NELL1: variants seen among roughly 807,000 people sequenced by gnomAD.
The protein encoded by NELL1 is protein kinase C-binding protein NELL1.
Under a neutral mutation model 107.4 loss-of-function variants are expected in NELL1, and 76 were observed. The ratio of observed to expected loss-of-function variants is 0.71; its 90% CI spans 0.59 to 0.86. The LOEUF (loss-of-function observed/expected upper bound fraction) is 0.86, where lower values mean the gene tolerates loss of function less well. Among genes scored for constraint, NELL1 ranks in the 40% least tolerant of loss-of-function variants. NELL1 has a pLI of 0.00. For synonymous variants in NELL1, 353 were observed against 341.2 expected (o/e 1.03, Z -0.38); for missense variants, 1,024 against 1,005.5 (o/e 1.02, Z -0.25).
intron 9 of NELL1, among the ~76,000 whole-genome samples, chr11:20,929,969 CAAAAAAAAAAAAGAAA>C (rs372208711): frequency 0.04 from 3,735 of 93,880 alleles, 169 homozygotes; most frequent in African/African-American, 0.15. Context: ...GAGTCTGTCT[CAAAAAAAAAAAAGAAA>C]AAAAAAAAAA....
intron 12 of NELL1, among the ~76,000 whole-genome samples, chr11:21,075,530 C>G (rs1448772160): frequency 6.6e-6 from 1 of 152,090 alleles, no homozygotes; most frequent in Admixed American, 6.6e-5. Context: ...CAGTGATACA[C>G]TACAATGGTA....
intron 15 of NELL1, among the ~76,000 whole-genome samples, chr11:21,496,626 A>G (rs1271547216): frequency 6.6e-6 from 1 of 151,596 alleles, no homozygotes; most frequent in Non-Finnish European, 1.5e-5. Context: ...AGCCAGGATG[A>G]TCTCGTTCTC....
At chr11:21,116,210 T>A (rs1421109772) in intron 13 of NELL1, among the ~76,000 whole-genome samples, 1 of 151,958 alleles carries the variant, frequency 6.6e-6, no homozygotes, top group African/African-American at 2.4e-5. Flanking sequence ...TTAAAGCACA[T>A]GTTTTCTTGG....
chr11:20,728,076 A>T (rs1590238683), intron 2 of NELL1, among the ~76,000 whole-genome samples: 2 of 151,996 alleles, frequency 1.3e-5, no homozygotes, highest in East Asian at 1.9e-4. Flanking sequence ...GCATTTTTTC[A>T]TATGTTTGTT....
At chr11:21,139,507 C>G (rs575797450) in intron 13 of NELL1, among the ~76,000 whole-genome samples, 3 of 152,322 alleles carry the variant, frequency 2.0e-5, no homozygotes, top group Admixed American at 2.0e-4. Flanking sequence ...CAACTTATCA[C>G]TATCCACCAC....
chr11:21,269,270 A>G (rs1848693454), intron 14 of NELL1, among the ~76,000 whole-genome samples: 1 of 152,066 alleles, frequency 6.6e-6, no homozygotes, highest in Non-Finnish European at 1.5e-5. Flanking sequence ...AGAATTTTCT[A>G]ACATTAATGT....
At chr11:20,849,773 T>G (rs2134060290) in intron 4 of NELL1, among the ~76,000 whole-genome samples, 1 of 152,266 alleles carries the variant, frequency 6.6e-6, no homozygotes, top group Non-Finnish European at 1.5e-5. Flanking sequence ...ATAAGAAAAG[T>G]AAATTTTGAT....
intron 16 of NELL1, among the ~76,000 whole-genome samples, chr11:21,535,995 G>T (rs550304890): frequency 1.4e-4 from 22 of 152,250 alleles, no homozygotes; most frequent in African/African-American, 4.6e-4. Context: ...GTGGCTAAAA[G>T]AAAATTTTAA....
rs1856818452 is a variant in NELL1 at position 20,779,723 on chromosome 11, A to G, written c.185-3957A>G. Among the ~76,000 whole-genome samples, 3 of 152,240 alleles carry G rather than the reference A, an allele frequency of 2.0e-5. No individual in the cohort carries two copies. In the South Asian group the frequency reaches 6.2e-4, roughly 32 times the overall value. On this transcript the variant is annotated intron_variant, in intron 2 of 19. Coordinates refer to ENST00000357134, the MANE Select transcript of NELL1 (RefSeq NM_006157.5). The stretch of plus-strand genomic sequence containing the variant: ...TTGTAGAATCTAGGTTTCTTAATAG[A>G]TGGAATTTGCTCTCAGTGCTCTCTT...
intron 2 of NELL1, among the ~76,000 whole-genome samples, chr11:20,751,858 A>G (rs1856148667): frequency 1.3e-5 from 2 of 152,026 alleles, no homozygotes; most frequent in African/African-American, 4.8e-5. Flanking sequence ...CTTAACTTTC[A>G]TTTTTATTGT....
At chr11:20,827,778 A>T (rs1857916436) in intron 3 of NELL1, among the ~76,000 whole-genome samples, 1 of 151,172 alleles carries the variant, frequency 6.6e-6, no homozygotes, top group South Asian at 2.1e-4. Context: ...ATTGGTTATG[A>T]TTTTCTTCCA....
intron 14 of NELL1, among the ~76,000 whole-genome samples, chr11:21,264,096 GTT>G (rs1491468621): frequency 2.0e-5 from 3 of 151,432 alleles, no homozygotes; most frequent in African/African-American, 7.3e-5. Flanking sequence ...GTGTGTGTGT[GTT>G]TGTGTGTCTG....
intron 12 of NELL1, among the ~76,000 whole-genome samples, chr11:21,042,186 T>A (rs1255171940): frequency 6.6e-6 from 1 of 152,200 alleles, no homozygotes; most frequent in East Asian, 1.9e-4. Flanking sequence ...AAAATGGGCA[T>A]AAAAATTGCA....
At chr11:20,694,776 C>G (rs932174711) in intron 2 of NELL1, among the ~76,000 whole-genome samples, 3 of 151,448 alleles carry the variant, frequency 2.0e-5, no homozygotes, top group African/African-American at 4.8e-5. Context: ...TATGTCAGCT[C>G]TTTTTTGGAT....
At chr11:21,385,226 C>G (rs551030782) in intron 15 of NELL1, among the ~76,000 whole-genome samples, 9 of 151,836 alleles carry the variant, frequency 5.9e-5, no homozygotes, top group Non-Finnish European at 1.2e-4. Flanking sequence ...TCCAGAAGGG[C>G]AGGGGTTCTG....
intron 13 of NELL1, among the ~76,000 whole-genome samples, chr11:21,213,733 A>T (rs1857554129): frequency 6.6e-6 from 1 of 152,204 alleles, no homozygotes; most frequent in Non-Finnish European, 1.5e-5. Context: ...AACACAATTC[A>T]ATGGAGAAAC....
chr11:21,169,655 A>G lies in NELL1; in HGVS notation c.1426+55941A>G, dbSNP rs374113152. On this transcript the variant is annotated intron_variant, in intron 13 of 19. Transcript: ENST00000357134. ...TCTTTCTCTTAGTATGTTTAGGCAA[A>G]CCCCTTCCTTACTCCATATGTACCT... The G allele has an allele frequency of 8.9e-4, 412 of 464,760 alleles. 11 individuals carry two copies. The highest frequency in any genetic ancestry group is 7.9e-3 in the African/African-American group (390 of 49,420). 28.8% of individuals were successfully genotyped at this position (464,760 alleles called of 1,614,324 possible). A position where few individuals can be genotyped will look rare whatever the true frequency, so the allele number is the denominator to read the frequency against.
chr11:21,428,856 C>A (rs990553859), intron 15 of NELL1, among the ~76,000 whole-genome samples: 3 of 152,156 alleles, frequency 2.0e-5, no homozygotes, highest in African/African-American at 7.2e-5. Flanking sequence ...TGAAAGGCAG[C>A]AACATCAAGT....
intron 14 of NELL1, among the ~76,000 whole-genome samples, chr11:21,328,918 T>C (rs941350686): frequency 1.3e-5 from 2 of 152,184 alleles, no homozygotes; most frequent in African/African-American, 4.8e-5. Context: ...ACCTCTATTA[T>C]ATCTAGGAGG....
Sources: gnomAD v4.1 joint callset for allele counts (sites outside exome capture counted in the v4.1 genomes callset) on GRCh38, gnomAD v4.1.1 for gene constraint, MANE v1.5 for transcripts, NCBI Gene and HGNC (gene_info 2026-07-23, HGNC 2026-07-21) for gene names.